The following NOL4 variants were observed in gnomAD, a reference collection of about 807,000 sequenced individuals.
NOL4 encodes nucleolar protein 4.
Under a neutral mutation model 75.9 loss-of-function variants are expected in NOL4, and 17 were observed. The ratio of observed to expected loss-of-function variants is 0.22; its 90% CI spans 0.15 to 0.34. The LOEUF is 0.34. Ranked by LOEUF, NOL4 falls within the 10% of genes least tolerant of loss-of-function variation. The probability of loss-of-function intolerance (pLI) is 1.00; values close to 1 mark genes in which losing one functional copy is unlikely to be tolerated. For synonymous variants in NOL4, 292 were observed against 289.9 expected, an observed-to-expected ratio of 1.01 and a Z score of -0.07; for missense variants, 614 against 793.5, an observed-to-expected ratio of 0.77 and a Z score of 2.72.
At chr18:33,960,134 A>G (rs2069989695) in intron 6 of NOL4, among the ~76,000 whole-genome samples, 1 of 152,118 alleles carries the variant, frequency 6.6e-6, no homozygotes, top group Non-Finnish European at 1.5e-5. Flanking sequence ...CAATTTATAA[A>G]TCTTGAGTAA....
intron 2 of NOL4, among the ~76,000 whole-genome samples, chr18:34,126,226 A>G (rs1417026080): frequency 6.6e-6 from 1 of 152,190 alleles, no homozygotes; most frequent in Non-Finnish European, 1.5e-5. Context: ...CACACAATGT[A>G]TATCATTATC....
chr18:34,025,835 A>T (rs1490878106), intron 5 of NOL4, among the ~76,000 whole-genome samples: 1 of 152,094 alleles, frequency 6.6e-6, no homozygotes, highest in East Asian at 1.9e-4. Context: ...AGACCTGTTA[A>T]GTACCCATGT....
chr18:34,208,063 C>T (rs4239389), intron 1 of NOL4, among the ~76,000 whole-genome samples: 95,119 of 152,004 alleles, frequency 0.63, 29,868 homozygotes, highest in East Asian at 0.71. Flanking sequence ...AAAATTTGTA[C>T]TGTCTGCTTT....
intron 6 of NOL4, among the ~76,000 whole-genome samples, chr18:33,965,300 C>A (rs982756160): frequency 6.6e-6 from 1 of 152,028 alleles, no homozygotes; most frequent in Non-Finnish European, 1.5e-5. Context: ...CATAGTGAGA[C>A]CTCCATCCCT....
chr18:33,882,713 C>A (rs1351947610), intron 10 of NOL4, among the ~76,000 whole-genome samples: 2 of 151,904 alleles, frequency 1.3e-5, no homozygotes, highest in Non-Finnish European at 2.9e-5. Flanking sequence ...TGGGTATATA[C>A]CCAAAGGACT....
chr18:33,924,678 T>A (rs1401546720), intron 9 of NOL4, among the ~76,000 whole-genome samples: 1 of 152,228 alleles, frequency 6.6e-6, no homozygotes, highest in Non-Finnish European at 1.5e-5. Context: ...TATAAAATTG[T>A]CGAGTCAAAC....
chr18:34,066,515 T>C (rs2077281059), intron 5 of NOL4, among the ~76,000 whole-genome samples: 1 of 152,008 alleles, frequency 6.6e-6, no homozygotes. Flanking sequence ...ACATAGAACT[T>C]GAATGTTCAA....
intron 1 of NOL4, among the ~76,000 whole-genome samples, chr18:34,184,692 A>G (rs1370074839): frequency 2.0e-5 from 3 of 152,160 alleles, no homozygotes; most frequent in Non-Finnish European, 4.4e-5. Context: ...ATGAATTCAC[A>G]AAACATTAGG....
chr18:34,196,113 G>A (rs993245626), intron 1 of NOL4, among the ~76,000 whole-genome samples: 7 of 152,042 alleles, frequency 4.6e-5, no homozygotes, highest in African/African-American at 9.7e-5. Context: ...TGTGTTAACT[G>A]CAAAATATCA....
At chr18:34,147,172 G>T (rs879382475) in intron 1 of NOL4, among the ~76,000 whole-genome samples, 1 of 151,858 alleles carries the variant, frequency 6.6e-6, no homozygotes, top group African/African-American at 2.4e-5. Flanking sequence ...AAACATAGAC[G>T]ATTTGACTTT....
intron 1 of NOL4, among the ~76,000 whole-genome samples, chr18:34,134,197 G>A (rs2080786948): frequency 6.6e-6 from 1 of 151,758 alleles, no homozygotes; most frequent in Non-Finnish European, 1.5e-5. Context: ...ATCAGTCACA[G>A]AACAAAAAAG....
intron 2 of NOL4, among the ~76,000 whole-genome samples, chr18:34,112,797 C>A (rs2079660939): frequency 6.6e-6 from 1 of 152,048 alleles, no homozygotes; most frequent in South Asian, 2.1e-4. Flanking sequence ...AGCATAGTAA[C>A]CGTAGATAAT....
intron 6 of NOL4, among the ~76,000 whole-genome samples, chr18:33,991,227 C>T (rs183725470): frequency 2.0e-5 from 3 of 152,186 alleles, no homozygotes; most frequent in Admixed American, 6.6e-5. Flanking sequence ...GACTCTACCA[C>T]CCATTGAACC....
At chr18:33,876,823 A>T (rs1432609501) in intron 10 of NOL4, among the ~76,000 whole-genome samples, 1 of 152,110 alleles carries the variant, frequency 6.6e-6, no homozygotes, top group East Asian at 1.9e-4. Context: ...AGCAGGAGAC[A>T]ATATCATTGT....
At position 34,068,370 on chromosome 18, in the gene NOL4, C is replaced by T. The variant is rs916523311; in HGVS notation, c.772+25095G>A. ...AGGAGGAACAATGCTAAGAGAATTG[C>T]TTATTTCTTTTTTTAAAATTTTTTA... On this transcript the variant is annotated intron_variant, in intron 5 of 10. Coordinates refer to ENST00000261592, the MANE Select transcript of NOL4 (RefSeq NM_003787.5). Among the ~76,000 whole-genome samples the T allele has an allele frequency of 5.3e-5, 8 of 152,118 alleles. No individual in the cohort carries two copies. The East Asian group carries it at 1.4e-3, about 26-fold the overall frequency.
At chr18:34,128,342 T>C (rs1291722285) in intron 2 of NOL4, among the ~76,000 whole-genome samples, 1 of 151,988 alleles carries the variant, frequency 6.6e-6, no homozygotes, top group Non-Finnish European at 1.5e-5. Context: ...ATTGAAATTA[T>C]GCATCCCTAG....
intron 9 of NOL4, among the ~76,000 whole-genome samples, chr18:33,938,679 C>CT (rs1368690552): frequency 3.3e-5 from 5 of 152,100 alleles, no homozygotes; most frequent in African/African-American, 1.2e-4. Context: ...GATATTAGCC[C>CT]TTTGTCAGAT....
intron 10 of NOL4, among the ~76,000 whole-genome samples, chr18:33,854,190 T>C (rs1202791707): frequency 6.6e-6 from 1 of 152,144 alleles, no homozygotes; most frequent in African/African-American, 2.4e-5. Context: ...CAAGAGATGT[T>C]ATTTTATCCT....
chr18:34,200,196 G>A (rs2035632352), intron 1 of NOL4, among the ~76,000 whole-genome samples: 1 of 151,662 alleles, frequency 6.6e-6, no homozygotes, highest in African/African-American at 2.4e-5. Context: ...TTCAGCCATC[G>A]CTTTTAGCAG....
Sources: gnomAD v4.1 joint callset for allele counts (sites outside exome capture counted in the v4.1 genomes callset) on GRCh38, gnomAD v4.1.1 for gene constraint, MANE v1.5 for transcripts, NCBI Gene and HGNC (gene_info 2026-07-23, HGNC 2026-07-21) for gene names.